CHRM3: variants seen among roughly 807,000 people sequenced by gnomAD.
CHRM3 encodes the protein cholinergic receptor muscarinic 3, also known as muscarinic acetylcholine receptor M3.
A neutral mutation model predicts 41.8 loss-of-function variants in CHRM3; 11 were observed. That is an observed-to-expected ratio of 0.26 (90% CI 0.17 to 0.44). The LOEUF (loss-of-function observed/expected upper bound fraction) is 0.44. Among genes scored for constraint, CHRM3 ranks in the 20% least tolerant of loss-of-function variants. CHRM3 has a pLI of 1.00. For synonymous variants in CHRM3, 297 were observed against 301.4 expected (o/e 0.99, Z 0.15); for missense variants, 571 against 745.4 (o/e 0.77, Z 2.72).
At chr1:239,799,242 G>C (rs371325747) in intron 5 of CHRM3, among the ~76,000 whole-genome samples, 1 of 152,182 alleles carries the variant, frequency 6.6e-6, no homozygotes, top group African/African-American at 2.4e-5. Context: ...CTTAGAGAGA[G>C]CAACTTAAGT....
chr1:239,444,391 C>A (rs1245541463), intron 1 of CHRM3, among the ~76,000 whole-genome samples: 1 of 152,118 alleles, frequency 6.6e-6, no homozygotes, highest in Non-Finnish European at 1.5e-5. Flanking sequence ...ACATTTCATA[C>A]ACAACTGTAA....
At chr1:239,632,075 G>A (rs1026189244) in intron 3 of CHRM3, 149 bp from the exon 4 acceptor site, 2 of 152,184 alleles carry the variant, frequency 1.3e-5, no homozygotes, top group African/African-American at 2.4e-5. Flanking sequence ...TAGGCACCAT[G>A]ATCTGGGAAG....
At chr1:239,483,284 G>A (rs1226967795) in intron 1 of CHRM3, among the ~76,000 whole-genome samples, 2 of 152,218 alleles carry the variant, frequency 1.3e-5, no homozygotes, top group Non-Finnish European at 2.9e-5. Flanking sequence ...GTAGAAGACT[G>A]TTAAGAAGCT....
At chr1:239,854,085 C>T (rs1336369112) in intron 6 of CHRM3, among the ~76,000 whole-genome samples, 1 of 151,938 alleles carries the variant, frequency 6.6e-6, no homozygotes, top group Admixed American at 6.6e-5. Flanking sequence ...ATATGAGTCA[C>T]AGTATAAAAT....
chr1:239,505,271 TGA>T (rs1668494408), intron 2 of CHRM3, among the ~76,000 whole-genome samples: 1 of 151,186 alleles, frequency 6.6e-6, no homozygotes, highest in Non-Finnish European at 1.5e-5. Flanking sequence ...ATGATGATGA[TGA>T]TGATGATGAT....
chr1:239,554,718 T>C (rs1660191004), intron 3 of CHRM3, among the ~76,000 whole-genome samples: 1 of 148,898 alleles, frequency 6.7e-6, no homozygotes, highest in Non-Finnish European at 1.5e-5. Flanking sequence ...AATTGGTTCA[T>C]GTATTTCTTT....
intron 3 of CHRM3, among the ~76,000 whole-genome samples, chr1:239,568,527 T>G (rs1484345228): frequency 6.6e-6 from 1 of 152,134 alleles, no homozygotes; most frequent in Non-Finnish European, 1.5e-5. Flanking sequence ...CAGTCTCGGG[T>G]ATGCCGTGAT....
chr1:239,907,319 A>C lies in CHRM3; in HGVS notation c.-19-114A>C. 2.8e-6 allele frequency: 2 copies of C among 716,722 alleles called. No homozygotes were observed. The highest frequency in any genetic ancestry group is 4.6e-6 in the Non-Finnish European group (2 of 435,856). 44.4% of individuals were successfully genotyped at this position (716,722 alleles called of 1,614,324 possible). A position where few individuals can be genotyped will look rare whatever the true frequency, so the allele number is the denominator to read the frequency against. On this transcript the variant is annotated intron_variant, in intron 6 of 6. Coordinates refer to ENST00000676153, the MANE Select transcript of CHRM3 (RefSeq NM_001375978.1). The surrounding 1 kb of genome is among the most constrained non-coding windows in gnomAD (Gnocchi z 5.4). ...GAATGAACTTGATGTTTGGCTTCATAGAGATTCAGCACCCTGTAATAGGCC... is the reference window on the plus strand; with the variant it reads ...GAATGAACTTGATGTTTGGCTTCATCGAGATTCAGCACCCTGTAATAGGCC...
intron 1 of CHRM3, among the ~76,000 whole-genome samples, chr1:239,400,623 T>G (rs1337901311): frequency 6.6e-6 from 1 of 152,194 alleles, no homozygotes; most frequent in East Asian, 1.9e-4. Context: ...TGATATGATT[T>G]TTGTATTTGG....
At chr1:239,688,954 C>A (rs1234494266) in intron 5 of CHRM3, among the ~76,000 whole-genome samples, 1 of 148,030 alleles carries the variant, frequency 6.8e-6, no homozygotes, top group Non-Finnish European at 1.5e-5. Flanking sequence ...ACTTGCCCTG[C>A]AATCTTATTT....
At chr1:239,400,059 C>T (rs1659837497) in intron 1 of CHRM3, among the ~76,000 whole-genome samples, 2 of 152,040 alleles carry the variant, frequency 1.3e-5, no homozygotes, top group Non-Finnish European at 2.9e-5. Flanking sequence ...TTACAGGTGC[C>T]TGCCACCATG....
chr1:239,609,760 T>C (rs1218496480), intron 3 of CHRM3, among the ~76,000 whole-genome samples: 5 of 152,194 alleles, frequency 3.3e-5, no homozygotes, highest in Non-Finnish European at 7.3e-5. Context: ...TCTTTTCATA[T>C]ACTTAGTTAG....
At chr1:239,774,368 G>T (rs1667929429) in intron 5 of CHRM3, among the ~76,000 whole-genome samples, 1 of 152,130 alleles carries the variant, frequency 6.6e-6, no homozygotes, top group Non-Finnish European at 1.5e-5. Flanking sequence ...TTTAGAGAGG[G>T]ATGGGGTGGG....
intron 4 of CHRM3, among the ~76,000 whole-genome samples, chr1:239,647,360 A>G (rs560229851): frequency 1.3e-5 from 2 of 152,234 alleles, no homozygotes; most frequent in Admixed American, 6.5e-5. Context: ...TTTTGTTACT[A>G]TTGACCTTTT....
chr1:239,876,064 C>T (rs1484433345), intron 6 of CHRM3, among the ~76,000 whole-genome samples: 1 of 152,132 alleles, frequency 6.6e-6, no homozygotes, highest in African/African-American at 2.4e-5. Context: ...TGGTGACGTG[C>T]TAAAGAACTC....
At chr1:239,459,927 A>G (rs1025618224) in intron 1 of CHRM3, among the ~76,000 whole-genome samples, 11 of 152,210 alleles carry the variant, frequency 7.2e-5, no homozygotes, top group African/African-American at 2.7e-4. Context: ...TTAATAAATA[A>G]TGATCACGCA....
At chr1:239,432,711 T>C (rs1339732383) in intron 1 of CHRM3, among the ~76,000 whole-genome samples, 2 of 152,190 alleles carry the variant, frequency 1.3e-5, no homozygotes, top group Non-Finnish European at 2.9e-5. Context: ...AGTAAACTAA[T>C]TTAAGGAGAA....
At chr1:239,586,404 T>C (rs1337378784) in intron 3 of CHRM3, among the ~76,000 whole-genome samples, 2 of 152,148 alleles carry the variant, frequency 1.3e-5, no homozygotes, top group East Asian at 3.9e-4. Flanking sequence ...CAGCCTATTT[T>C]TTTGCAGCAT....
At chr1:239,584,304 A>C (rs926551576) in intron 3 of CHRM3, among the ~76,000 whole-genome samples, 1 of 151,758 alleles carries the variant, frequency 6.6e-6, no homozygotes, top group African/African-American at 2.4e-5. Flanking sequence ...GGGTTTTGCC[A>C]TGCTGGCCAG....
Sources: gnomAD v4.1 joint callset for allele counts (sites outside exome capture counted in the v4.1 genomes callset) on GRCh38, gnomAD v4.1.1 for gene constraint, Gnocchi (gnomAD v3.1) non-coding constraint, MANE v1.5 for transcripts, NCBI Gene and HGNC (gene_info 2026-07-23, HGNC 2026-07-21) for gene names.